The following FGD1 variants were observed in gnomAD, a reference collection of about 807,000 sequenced individuals.
The protein encoded by FGD1 is FYVE, RhoGEF and PH domain containing 1.
A neutral mutation model predicts 65.0 loss-of-function variants in FGD1; 12 were observed. The ratio of observed to expected loss-of-function variants is 0.18; its 90% CI spans 0.12 to 0.30. FGD1 has a LOEUF of 0.30. FGD1 is among the 10% of genes least tolerant of loss of function. The pLI, the probability that FGD1 is intolerant of heterozygous loss-of-function variation, is 1.00. For missense variants in FGD1, 542 were observed against 837.6 expected (o/e 0.65, Z 4.36); for synonymous variants, 333 against 343.9 (o/e 0.97, Z 0.35).
chrX:54,456,198 C>T (rs781411696), intron 10 of FGD1, 22 bp downstream of exon 10: 1 of 1,209,451 alleles, frequency 8.3e-7, no homozygotes, highest in East Asian at 3.0e-5. Flanking sequence ...GACCCACCCA[C>T]AATTCCATGC....
chrX:54,448,527 G>A (rs1454816765), intron 16 of FGD1, among the ~76,000 whole-genome samples: 1 of 112,372 alleles, frequency 8.9e-6, no homozygotes, highest in Non-Finnish European at 1.9e-5. Context: ...CCACTCATTT[G>A]CTGTGTAATT....
chrX:54,489,269 C>T (rs917240114), intron 1 of FGD1, among the ~76,000 whole-genome samples: 8 of 112,569 alleles, frequency 7.1e-5, no homozygotes, highest in African/African-American at 1.3e-4. Flanking sequence ...TACATGTGGC[C>T]GATAAGCATA....
In FGD1 at chrX:54,474,681, G is replaced by A. The variant is rs181156332; in HGVS notation, c.308-3194C>T. Among the ~76,000 whole-genome samples the A allele has an allele frequency of 2.3e-3, 255 of 112,838 alleles. 2 individuals carry two copies. Among genetic ancestry groups the A allele is most frequent in the Non-Finnish European group, 3.7e-3 (195 of 53,273 alleles). ...GTCTTGCCCTGCCCTCCCCCTGGGC[G>A]TGGGGGTGAGGAAGATGAATCACCT... On this transcript the variant is annotated intron_variant, in intron 1 of 17. Coordinates refer to ENST00000375135, the MANE Select transcript of FGD1 (RefSeq NM_004463.3).
intron 6 of FGD1, among the ~76,000 whole-genome samples, chrX:54,466,680 T>C (rs1922764857): frequency 9.0e-6 from 1 of 111,456 alleles, no homozygotes; most frequent in Non-Finnish European, 1.9e-5. Context: ...TGCTCTATCA[T>C]AGCACTGTAA....
At chrX:54,490,227 C>T (rs928529653) in intron 1 of FGD1, among the ~76,000 whole-genome samples, 3 of 111,271 alleles carry the variant, frequency 2.7e-5, no homozygotes, top group Non-Finnish European at 3.8e-5. Flanking sequence ...AACTACCTAT[C>T]GGGTACTATG....
At chrX:54,471,289 T>C (rs946103599) in intron 2 of FGD1, 25 bp downstream of exon 2, 1 of 1,207,555 alleles carries the variant, frequency 8.3e-7, no homozygotes. Context: ...GGGCCACTTC[T>C]CTGCTCTTTT....
intron 1 of FGD1, among the ~76,000 whole-genome samples, chrX:54,482,511 G>A (rs1923173635): frequency 8.9e-6 from 1 of 111,979 alleles, no homozygotes; most frequent in Non-Finnish European, 1.9e-5. Context: ...ATTACCAGAT[G>A]CTGGGGCTGC....
chrX:54,455,778 C>A lies in FGD1; in HGVS notation c.1849G>T (p.Asp617Tyr). ...CTGGGCACGCAGTAAAGGAGGCGGT[C>A]GTTGAACTAGGAAGGAAAAAGTTTG... is the stretch of plus-strand genomic sequence containing the variant. ...TQDRYLILFN[D>Y]RLLYCVPRLR... Residue 617 changes from aspartate (D) to tyrosine (Y), a missense_variant, in exon 11 of 18, where the codon GAC becomes TAC. By Grantham distance (160) the Asp-to-Tyr change is radical. This residue lies in a region of FGD1 where 182 missense variants were observed against 311.4 expected (regional missense o/e 0.58). Transcript: ENST00000375135. 1 of 1,179,177 alleles carries A rather than the reference C, an allele frequency of 8.5e-7. No homozygotes were observed. Among genetic ancestry groups the A allele is most frequent in the South Asian group, 1.9e-5 (1 of 53,481 alleles).
intron 12 of FGD1, among the ~76,000 whole-genome samples, chrX:54,451,496 G>A (rs1003096338): frequency 9.2e-6 from 1 of 109,251 alleles, no homozygotes; most frequent in Admixed American, 9.7e-5. Context: ...TGTTGGCCAG[G>A]CTGGTCTTGA....
In FGD1 at chrX:54,468,936, C is replaced by A. The variant is rs774825715; in HGVS notation, c.1102-60G>T. 1.2e-5 allele frequency: 11 copies of A among 881,121 alleles called. No homozygotes were observed. The African/African-American group carries it at 1.8e-4, about 14-fold the overall frequency. 72.6% of individuals were successfully genotyped at this position (881,121 alleles called of 1,213,427 possible). On this transcript the variant is annotated intron_variant, in intron 4 of 17. Coordinates refer to ENST00000375135, the MANE Select transcript of FGD1 (RefSeq NM_004463.3). The stretch of plus-strand genomic sequence containing the variant: ...TCCTCTATCGTAACCCTCACCCAAG[C>A]CCCCAGAATTCTTAAAACAGTTCCC...
At chrX:54,489,570 G>GA (rs903568295) in intron 1 of FGD1, among the ~76,000 whole-genome samples, 29 of 99,655 alleles carry the variant, frequency 2.9e-4, no homozygotes, top group South Asian at 4.3e-4. Context: ...GGGTGACAGA[G>GA]AAAAAAAAAA....
intron 1 of FGD1, among the ~76,000 whole-genome samples, chrX:54,488,247 G>A (rs1217624417): frequency 1.3e-5 from 1 of 76,540 alleles, no homozygotes; most frequent in Non-Finnish European, 2.4e-5. Flanking sequence ...TTCAGCCTGG[G>A]CTACAGAGCG....
intron 16 of FGD1, 109 bp downstream of exon 16, chrX:54,448,697 T>TCA: frequency 1.3e-6 from 1 of 784,234 alleles, no homozygotes; most frequent in Non-Finnish European, 1.9e-6. Flanking sequence ...CAAGCCTGGG[T>TCA]CCCTTGATCA....
intron 8 of FGD1, among the ~76,000 whole-genome samples, chrX:54,460,438 C>CA (rs1440514369): frequency 3.2e-5 from 3 of 92,786 alleles, no homozygotes; most frequent in East Asian, 3.4e-4. Flanking sequence ...GACTCAGTCT[C>CA]AAAAAAAATA....
chrX:54,452,965 AC>A (rs1310277099), intron 12 of FGD1, among the ~76,000 whole-genome samples: 1 of 111,123 alleles, frequency 9.0e-6, no homozygotes, highest in Non-Finnish European at 1.9e-5. Context: ...TGTTGTACTT[AC>A]ACTTTTCCGG....
At chrX:54,477,128 G>A (rs1291250450) in intron 1 of FGD1, among the ~76,000 whole-genome samples, 1 of 112,827 alleles carries the variant, frequency 8.9e-6, no homozygotes, top group Non-Finnish European at 1.9e-5. Context: ...CTGCCACTCG[G>A]ACATCTCTTG....
chrX:54,476,981 A>G lies in FGD1; in HGVS notation c.308-5494T>C, dbSNP rs142022715. Among the ~76,000 whole-genome samples the G allele has an allele frequency of 7.8e-3, 870 of 111,732 alleles. 7 individuals carry two copies. Among genetic ancestry groups the G allele is most frequent in the Non-Finnish European group, 8.7e-3 (463 of 53,081 alleles). On this transcript the variant is annotated intron_variant, in intron 1 of 17. Transcript: ENST00000375135. ...TACCACCACACCCAGCCACCACCAA[A>G]TCTGATAACACTTTGTGGAAATGTA...
chrX:54,467,270 T>C (rs1922783442), intron 6 of FGD1, among the ~76,000 whole-genome samples: 1 of 111,049 alleles, frequency 9.0e-6, no homozygotes. Flanking sequence ...TGCTATTCTG[T>C]TGCAATTTTC....
At chrX:54,487,545 A>G (rs1200212705) in intron 1 of FGD1, among the ~76,000 whole-genome samples, 1 of 112,871 alleles carries the variant, frequency 8.9e-6, no homozygotes, top group Non-Finnish European at 1.9e-5. Context: ...TACAGATTCA[A>G]TGCTATTCCT....
Sources: allele counts gnomAD v4.1 joint callset (sites outside exome capture counted in the v4.1 genomes callset), GRCh38; gene constraint gnomAD v4.1.1; regional missense constraint gnomAD v4.1.1; transcripts MANE v1.5; gene names NCBI Gene and HGNC (gene_info 2026-07-23, HGNC 2026-07-21).